The following RPH3A variants were observed in gnomAD, a reference collection of about 807,000 sequenced individuals.
The protein encoded by RPH3A is rabphilin 3A, also known as rabphilin-3A.
A neutral mutation model predicts 102.2 loss-of-function variants in RPH3A; 48 were observed. That is an observed-to-expected ratio of 0.47 (90% CI 0.37 to 0.60). The LOEUF (loss-of-function observed/expected upper bound fraction) is 0.60, where lower values mean the gene tolerates loss of function less well. RPH3A is among the 20% of genes least tolerant of loss of function. The pLI, the probability that RPH3A is intolerant of heterozygous loss-of-function variation, is 0.00. For missense variants in RPH3A, 781 were observed against 910.1 expected, an observed-to-expected ratio of 0.86 and a Z score of 1.83; for synonymous variants, 310 against 324.3, an observed-to-expected ratio of 0.96 and a Z score of 0.47.
At chr12:112,615,644 T>C (rs1289009014) in intron 1 of RPH3A, among the ~76,000 whole-genome samples, 1 of 152,210 alleles carries the variant, frequency 6.6e-6, no homozygotes, top group Non-Finnish European at 1.5e-5. Context: ...GACTTCTTTT[T>C]GTACCTTGCC....
chr12:112,585,023 CGAGA>C (rs1041950632), intron 1 of RPH3A, among the ~76,000 whole-genome samples: 1 of 152,146 alleles, frequency 6.6e-6, no homozygotes, highest in Admixed American at 6.5e-5. Flanking sequence ...GTCAAAGGCT[CGAGA>C]GCCCCTGGCA....
In RPH3A at chr12:112,878,157, T is replaced by A. The variant is rs563388750; in HGVS notation, c.1172-962T>A. Among the ~76,000 whole-genome samples the A allele has an allele frequency of 3.9e-5, 6 of 151,966 alleles. No individual in the cohort carries two copies. The East Asian group carries it at 1.2e-3, about 29-fold the overall frequency. ...GCGGTCTCAGGAGAAAGGAGAGGAG[T>A]CCACCCATCTTGTCAGCCACAGGCT... On this transcript the variant is annotated intron_variant, in intron 13 of 21. Transcript: ENST00000389385.
At chr12:112,795,524 C>A (rs553043183) in intron 2 of RPH3A, among the ~76,000 whole-genome samples, 1 of 152,250 alleles carries the variant, frequency 6.6e-6, no homozygotes, top group South Asian at 2.1e-4. Context: ...CCTTCTTAAC[C>A]AGCCAGGGGC....
chr12:112,861,772 G>A (rs781575820), intron 5 of RPH3A, among the ~76,000 whole-genome samples: 2 of 152,210 alleles, frequency 1.3e-5, no homozygotes, highest in African/African-American at 4.8e-5. Context: ...CCAGCACTTT[G>A]GGAGGCCAAG....
At chr12:112,659,181 G>A (rs2040033555) in intron 1 of RPH3A, among the ~76,000 whole-genome samples, 1 of 152,104 alleles carries the variant, frequency 6.6e-6, no homozygotes, top group Admixed American at 6.6e-5. Context: ...CTCCTGCTTA[G>A]CCACATTACA....
chr12:112,883,483 CAGGGCTTCACTCTAAA>C, intron 16 of RPH3A, 81 bp downstream of exon 16: 1 of 921,168 alleles, frequency 1.1e-6, no homozygotes, highest in South Asian at 1.4e-5. Context: ...GTGAGGCCCC[CAGGGCTTCACTCTAAA>C]AAGATCTCTA....
At chr12:112,586,633 C>A (rs2039441014) in intron 1 of RPH3A, among the ~76,000 whole-genome samples, 1 of 152,122 alleles carries the variant, frequency 6.6e-6, no homozygotes, top group Non-Finnish European at 1.5e-5. Flanking sequence ...TTGCCTGTGA[C>A]TTTGCACAGG....
intron 1 of RPH3A, among the ~76,000 whole-genome samples, chr12:112,782,266 G>A (rs559985681): frequency 6.6e-6 from 1 of 152,346 alleles, no homozygotes; most frequent in Non-Finnish European, 1.5e-5. Flanking sequence ...TCTGAGAAAT[G>A]GGGATTAATT....
At chr12:112,861,843 C>G (rs1205286765) in intron 5 of RPH3A, among the ~76,000 whole-genome samples, 3 of 151,956 alleles carry the variant, frequency 2.0e-5, no homozygotes, top group African/African-American at 4.8e-5. Context: ...GAAACCCCGT[C>G]TCTACTAAAA....
chr12:112,616,839 A>C lies in RPH3A; in HGVS notation c.-140+41520A>C, dbSNP rs189201130. ...GCCAAATGCTGATCCAACAGCTGAA[A>C]TTTGGGAGCCTGCAGCTTCCTGGCA... On this transcript the variant is annotated intron_variant, in intron 1 of 21. Transcript: ENST00000543106. Among the ~76,000 whole-genome samples, 95 of 152,358 alleles carry C rather than the reference A, an allele frequency of 6.2e-4. 1 individual carries two copies. The highest frequency in any genetic ancestry group is 2.9e-3 in the Admixed American group (44 of 15,306).
At chr12:112,881,635 TTCTC>T (rs2042914203) in intron 14 of RPH3A, 133 bp from the exon 15 acceptor site, 1 of 570,110 alleles carries the variant, frequency 1.8e-6, no homozygotes, top group Non-Finnish European at 3.1e-6. Context: ...TGCATTTCCC[TTCTC>T]TCTCTTTGGA....
chr12:112,834,510 A>C (rs1271637649), intron 3 of RPH3A, among the ~76,000 whole-genome samples: 3 of 152,226 alleles, frequency 2.0e-5, no homozygotes, highest in African/African-American at 7.2e-5. Flanking sequence ...AACTTTTAAG[A>C]AACTGTCAAA....
intron 1 of RPH3A, among the ~76,000 whole-genome samples, chr12:112,680,409 C>T (rs762935899): frequency 2.0e-5 from 3 of 152,172 alleles, no homozygotes; most frequent in Non-Finnish European, 4.4e-5. Flanking sequence ...GAGCACTTGC[C>T]ATGTGCCAGA....
At chr12:112,871,546 A>G (rs1427830374) in intron 10 of RPH3A, among the ~76,000 whole-genome samples, 1 of 152,076 alleles carries the variant, frequency 6.6e-6, no homozygotes, top group Non-Finnish European at 1.5e-5. Context: ...TTAACCCATT[A>G]TGCTGGAGGT....
chr12:112,716,992 CGCT>C (rs2040517475), intron 1 of RPH3A, among the ~76,000 whole-genome samples: 1 of 152,090 alleles, frequency 6.6e-6, no homozygotes. Flanking sequence ...AAACATCAAT[CGCT>C]GTGGACTTAC....
At chr12:112,676,306 G>C (rs1016566079) in intron 1 of RPH3A, among the ~76,000 whole-genome samples, 1 of 152,082 alleles carries the variant, frequency 6.6e-6, no homozygotes, top group African/African-American at 2.4e-5. Flanking sequence ...CTTTCCCACT[G>C]TCTTGCCTTA....
At position 112,799,573 on chromosome 12, in the gene RPH3A, C is replaced by A. The variant is rs139309916; in HGVS notation, c.-19+7310C>A. Among the ~76,000 whole-genome samples, 286 of 152,276 alleles carry A rather than the reference C, an allele frequency of 1.9e-3. 1 individual carries two copies. The highest frequency in any genetic ancestry group is 6.1e-3 in the African/African-American group (254 of 41,554). On this transcript the variant is annotated intron_variant, in intron 2 of 21. Transcript: ENST00000389385. ...GGTGGCACACAGTGGTTCTGAAGCC[C>A]TCCCAGGCTTGGCATTCTCTGCATG...
At chr12:112,849,146 T>C (rs2042280244) in intron 5 of RPH3A, among the ~76,000 whole-genome samples, 1 of 152,040 alleles carries the variant, frequency 6.6e-6, no homozygotes, top group Admixed American at 6.5e-5. Flanking sequence ...AAAATGATGC[T>C]CTGGGGATGC....
intron 16 of RPH3A, among the ~76,000 whole-genome samples, chr12:112,883,941 A>G (rs1296290012): frequency 2.0e-5 from 3 of 152,104 alleles, no homozygotes; most frequent in Admixed American, 2.0e-4. Context: ...GTTTGGGGCT[A>G]TTACAAATAG....
Sources: gnomAD v4.1 joint callset for allele counts (sites outside exome capture counted in the v4.1 genomes callset) on GRCh38, gnomAD v4.1.1 for gene constraint, MANE v1.5 for transcripts, NCBI Gene and HGNC (gene_info 2026-07-23, HGNC 2026-07-21) for gene names.